Variants in ZFAT observed in about 807,000 individuals in gnomAD.
ZFAT encodes the protein zinc finger protein ZFAT.
Under a neutral mutation model 117.7 loss-of-function variants are expected in ZFAT, and 64 were observed. That is an observed-to-expected ratio of 0.54 (90% CI 0.44 to 0.67). ZFAT has a LOEUF of 0.67. Ranked by LOEUF, ZFAT falls within the 30% of genes least tolerant of loss-of-function variation. ZFAT has a pLI of 0.00. For missense variants in ZFAT, 1,433 were observed against 1,584.5 expected (o/e 0.90, Z 1.62); for synonymous variants, 679 against 615.0 (o/e 1.10, Z -1.54).
chr8:134,640,388 T>C (rs569479522), intron 2 of ZFAT, among the ~76,000 whole-genome samples: 52 of 152,298 alleles, frequency 3.4e-4, no homozygotes, highest in African/African-American at 1.1e-3. Flanking sequence ...GCAAACTTAC[T>C]ATTGCGGGGT....
chr8:134,818,808 C>G, the ZFAT span, among the ~76,000 whole-genome samples: 25,486 of 152,144 alleles, frequency 0.17, 2,375 homozygotes, highest in African/African-American at 0.25. Context: ...ACGGATGAAT[C>G]TCCAAATAAT....
At chr8:134,510,264 T>A in intron 14 of ZFAT, 1 of 423,394 alleles carries the variant, frequency 2.4e-6, no homozygotes, top group South Asian at 1.6e-5. Context: ...GGGGGTTCTA[T>A]TTTAACCATC....
chr8:134,701,303 T>C (rs1227234572), intron 1 of ZFAT, among the ~76,000 whole-genome samples: 1 of 152,246 alleles, frequency 6.6e-6, no homozygotes. Context: ...CTTATTTCAC[T>C]GTGCACAATG....
chr8:134,723,272 T>G, the ZFAT span: 2 of 152,198 alleles, frequency 1.3e-5, no homozygotes. Context: ...ACCTCCCTCT[T>G]ATCACATCGC....
intron 1 of ZFAT, among the ~76,000 whole-genome samples, chr8:134,661,488 ATCACAT>A (rs765627686): frequency 3.9e-4 from 60 of 152,326 alleles, no homozygotes; most frequent in Non-Finnish European, 7.1e-4. Flanking sequence ...CAATGGCCCC[ATCACAT>A]GGCTCCCCCT....
intron 10 of ZFAT, among the ~76,000 whole-genome samples, chr8:134,581,836 T>C (rs1586749218): frequency 3.3e-5 from 5 of 152,186 alleles, no homozygotes; most frequent in African/African-American, 1.2e-4. Flanking sequence ...CCCACTCACC[T>C]CCCTTGGCCT....
At chr8:134,672,200 A>G (rs958922136) in intron 1 of ZFAT, among the ~76,000 whole-genome samples, 3 of 152,368 alleles carry the variant, frequency 2.0e-5, no homozygotes, top group South Asian at 2.1e-4. Flanking sequence ...TATAGATTCA[A>G]TGCCATCCCC....
At chr8:134,535,232 AT>A (rs1179126165) in intron 11 of ZFAT, among the ~76,000 whole-genome samples, 1 of 152,048 alleles carries the variant, frequency 6.6e-6, no homozygotes, top group Non-Finnish European at 1.5e-5. Flanking sequence ...TGATTGGTGG[AT>A]CTATATGTTT....
chr8:134,648,096 T>C (rs904768962), intron 2 of ZFAT, among the ~76,000 whole-genome samples: 3 of 152,084 alleles, frequency 2.0e-5, no homozygotes, highest in African/African-American at 7.2e-5. Context: ...TTAACTAACC[T>C]GATTGTGGTA....
At chr8:134,784,130 T>G in the ZFAT span, 1 of 152,192 alleles carries the variant, frequency 6.6e-6, no homozygotes, top group African/African-American at 2.4e-5. Context: ...CAGGAGCAAG[T>G]TGAGGGCTAG....
At chr8:134,622,811 G>T (rs74413580) in intron 3 of ZFAT, among the ~76,000 whole-genome samples, 14,749 of 152,082 alleles carry the variant, frequency 0.097, 1,015 homozygotes, top group East Asian at 0.35. Flanking sequence ...TCCCTGCCAG[G>T]TTATCACAGG....
chr8:134,560,718 A>G (rs1823986423), intron 11 of ZFAT, among the ~76,000 whole-genome samples: 1 of 152,236 alleles, frequency 6.6e-6, no homozygotes, highest in African/African-American at 2.4e-5. Flanking sequence ...AGGATTTGGA[A>G]GAAAGCAAAG....
intron 1 of ZFAT, among the ~76,000 whole-genome samples, chr8:134,673,722 T>G (rs1049845464): frequency 1.5e-5 from 2 of 134,046 alleles, no homozygotes; most frequent in African/African-American, 5.4e-5. Flanking sequence ...ATATTTTAGC[T>G]CTACTTACTG....
At chr8:134,594,614 CTACTA>C (rs1826782403) in intron 7 of ZFAT, among the ~76,000 whole-genome samples, 1 of 152,190 alleles carries the variant, frequency 6.6e-6, no homozygotes, top group African/African-American at 2.4e-5. Flanking sequence ...TCTCCTCCTC[CTACTA>C]AAAAGGAGGA....
intron 15 of ZFAT, among the ~76,000 whole-genome samples, chr8:134,508,585 C>T (rs918330275): frequency 2.6e-5 from 4 of 152,216 alleles, no homozygotes; most frequent in African/African-American, 9.6e-5. Flanking sequence ...ACCCACACTC[C>T]TGGACCCCAC....
the ZFAT span, among the ~76,000 whole-genome samples, chr8:134,725,301 T>C: frequency 6.6e-6 from 1 of 152,132 alleles, no homozygotes; most frequent in Non-Finnish European, 1.5e-5. Context: ...TTTCAAGAAA[T>C]ATCTGAGACT....
intron 2 of ZFAT, among the ~76,000 whole-genome samples, chr8:134,652,094 GATC>G (rs1428187079): frequency 6.6e-6 from 1 of 152,214 alleles, no homozygotes; most frequent in Non-Finnish European, 1.5e-5. Flanking sequence ...GAGGCAGGCA[GATC>G]ACGTGATGTC....
At chr8:134,816,522 C>G in the ZFAT span, among the ~76,000 whole-genome samples, 2 of 151,418 alleles carry the variant, frequency 1.3e-5, no homozygotes, top group African/African-American at 4.9e-5. Flanking sequence ...AACATTAGGA[C>G]TTTTCTTTAA....
chr8:134,621,629 C>A (rs1048191797), intron 3 of ZFAT, among the ~76,000 whole-genome samples: 14 of 152,138 alleles, frequency 9.2e-5, no homozygotes, highest in African/African-American at 3.1e-4. Flanking sequence ...TGGTAATTTT[C>A]AAATTTTTTT....
Sources: gnomAD v4.1 joint callset for allele counts (sites outside exome capture counted in the v4.1 genomes callset) on GRCh38, gnomAD v4.1.1 for gene constraint, MANE v1.5 for transcripts, NCBI Gene and HGNC (gene_info 2026-07-23, HGNC 2026-07-21) for gene names.